TNC: variants seen among roughly 807,000 people sequenced by gnomAD.
The protein encoded by TNC is tenascin C.
A neutral mutation model predicts 202.4 loss-of-function variants in TNC; 109 were observed. The ratio of observed to expected loss-of-function variants is 0.54; its 90% CI spans 0.46 to 0.63. The LOEUF is 0.63. TNC is among the 30% of genes least tolerant of loss of function. The pLI is 0.00. For missense variants in TNC, 2,756 were observed against 2,833.3 expected (o/e 0.97, Z 0.62); for synonymous variants, 1,007 against 1,089.7 (o/e 0.92, Z 1.50).
In TNC at chr9:115,057,406, T is replaced by C. The variant is rs1351676687; in HGVS notation, c.4326A>G (p.Gly1442=). Residue 1442 remains glycine (G), a synonymous_variant, in exon 15 of 28, where the codon GGA becomes GGG. Coordinates refer to ENST00000350763, the MANE Select transcript of TNC (RefSeq NM_002160.4). ...GAGTTATGTCAGAAACATTTAAGTT[T>C]CCAATTTCAGGTTCTTTGGCTGTAA... is the stretch of plus-strand genomic sequence containing the variant. ...EASTAKEPEI[G]NLNVSDITPE... 1.2e-6 allele frequency: 2 copies of C among 1,609,764 alleles called. No homozygotes were observed. The highest frequency in any genetic ancestry group is 1.7e-6 in the Non-Finnish European group (2 of 1,179,062).
rs200913956 is a variant in TNC at position 115,086,891 on chromosome 9, G to C, written c.840C>G (p.Asn280Lys). 4 of 1,597,934 alleles carry C rather than the reference G, an allele frequency of 2.5e-6. No homozygotes were observed. The highest frequency in any genetic ancestry group is 2.7e-5 in the African/African-American group (2 of 74,476). Residue 280 changes from asparagine to lysine, a missense_variant, in exon 3 of 28, where the codon AAC becomes AAG. Transcript: ENST00000350763. The part of the protein sequence containing the change: ...CHDGFAGDDC[N>K]KPLCLNNCYN... Reference sequence around the variant, plus strand: ...AGCAATTGTTGAGACACAGAGGCTTGTTGCAGTCATCGCCTGCAAAGCCAT... The same window carrying C: ...AGCAATTGTTGAGACACAGAGGCTTCTTGCAGTCATCGCCTGCAAAGCCAT...
Position 115,081,761 on chromosome 9 carries a change from G to T in TNC, c.2404+11C>A, listed in dbSNP as rs756093360. ...CCTTATCATTCTATAAGTATTAAAG[G>T]TGATACTCACGTGTGGTGGTCACCC... On this transcript the variant is annotated intron_variant, in intron 6 of 27. Transcript: ENST00000350763. The T allele has an allele frequency of 1.7e-4, 271 of 1,613,686 alleles. 1 individual carries two copies. The East Asian group carries it at 5.9e-3, about 35-fold the overall frequency.
At chr9:115,047,757 C>T (rs2297181) in intron 16 of TNC, among the ~76,000 whole-genome samples, 16,583 of 152,052 alleles carry the variant, frequency 0.11, 955 homozygotes, top group Middle Eastern at 0.17. Flanking sequence ...GGATTTAGTC[C>T]GTGTTGCAGA....
In TNC at chr9:115,064,755, G is replaced by T. The variant is rs775276668; in HGVS notation, c.3379C>A (p.Arg1127=). The change falls in exon 11 of 28, where the codon CGG becomes AGG. Residue 1127 remains arginine, a synonymous_variant. Coordinates refer to ENST00000350763, the MANE Select transcript of TNC (RefSeq NM_002160.4). ...ARNLTVPGSL[R]AVDIPGLKAA... Reference sequence around the variant, plus strand: ...TTGAGGCCCGGTATGTCCACAGCCCGAAGGCTGCCAGGCACGGTGAGGTTC... The same window carrying T: ...TTGAGGCCCGGTATGTCCACAGCCCTAAGGCTGCCAGGCACGGTGAGGTTC... The T allele has an allele frequency of 3.1e-6, 5 of 1,614,126 alleles. No homozygotes were observed. The highest frequency in any genetic ancestry group is 4.2e-6 in the Non-Finnish European group (5 of 1,180,026).
chr9:115,104,712 C>G (rs1836484249), intron 1 of TNC, among the ~76,000 whole-genome samples: 1 of 152,078 alleles, frequency 6.6e-6, no homozygotes, highest in Non-Finnish European at 1.5e-5. Flanking sequence ...TCCTGTCTCC[C>G]TTTATGAGAG....
chr9:115,030,882 A>C (rs1474239452), intron 23 of TNC, among the ~76,000 whole-genome samples: 1 of 152,220 alleles, frequency 6.6e-6, no homozygotes, highest in African/African-American at 2.4e-5. Context: ...CAGGTTTGCT[A>C]TCTGCAGAAG....
At chr9:115,065,251 C>G (rs1832859594) in intron 10 of TNC, among the ~76,000 whole-genome samples, 1 of 152,090 alleles carries the variant, frequency 6.6e-6, no homozygotes, top group East Asian at 1.9e-4. Context: ...CAAAAATTAG[C>G]CAGGCGTGTT....
At position 115,063,325 on chromosome 9, in the gene TNC, G is replaced by A. The variant is rs72758647; in HGVS notation, c.3761-136C>T. 129,220 of 901,876 alleles carry A rather than the reference G, an allele frequency of 0.14. 10,846 individuals carry two copies. Among genetic ancestry groups the A allele is most frequent in the Non-Finnish European group, 0.17 (102,082 of 599,672 alleles). The allele number at this position is 901,876 out of a possible 1,614,324, so 55.9% of individuals were successfully genotyped here. A position where few individuals can be genotyped will look rare whatever the true frequency, so the allele number is the denominator to read the frequency against. On this transcript the variant is annotated intron_variant, in intron 12 of 27. Coordinates refer to ENST00000350763, the MANE Select transcript of TNC (RefSeq NM_002160.4). ...ATTATAGATGCATGATTTACAGCAGGTGTTGAGCACACTCAAACTGTTGGC... is the reference window on the plus strand; with the variant it reads ...ATTATAGATGCATGATTTACAGCAGATGTTGAGCACACTCAAACTGTTGGC...
In TNC at chr9:115,078,016, A is replaced by G; in HGVS notation, c.2601T>C (p.Thr867=). Residue 867 remains threonine, a synonymous_variant, in exon 7 of 28, where the codon ACT becomes ACC. Coordinates refer to ENST00000350763, the MANE Select transcript of TNC (RefSeq NM_002160.4). ...QYSIGNLKPD[T]EYEVSLISRR... ...GGGAGATGAGGGACACCTCGTACTC[A>G]GTGTCAGGCTTCAGGTTCCCGATGG... The G allele has an allele frequency of 6.2e-7, 1 of 1,614,228 alleles. No individual in the cohort carries two copies. Among genetic ancestry groups the G allele is most frequent in the Non-Finnish European group, 8.5e-7 (1 of 1,180,042 alleles).
chr9:115,077,400 C>A (rs982159736), intron 7 of TNC, among the ~76,000 whole-genome samples: 1 of 152,098 alleles, frequency 6.6e-6, no homozygotes, highest in Non-Finnish European at 1.5e-5. Flanking sequence ...GCCATGTTGG[C>A]CAGGATGGTC....
intron 19 of TNC, among the ~76,000 whole-genome samples, chr9:115,040,267 T>C (rs954698057): frequency 2.0e-5 from 3 of 152,242 alleles, no homozygotes; most frequent in African/African-American, 7.2e-5. Flanking sequence ...GTATTTCATT[T>C]GTCTCAGTTG....
chr9:115,102,238 C>T (rs1168604411), intron 1 of TNC, among the ~76,000 whole-genome samples: 1 of 152,076 alleles, frequency 6.6e-6, no homozygotes, highest in Non-Finnish European at 1.5e-5. Context: ...TGCTGGAGGG[C>T]CAAGCAAAGG....
At chr9:115,037,243 C>T (rs1019193839) in intron 20 of TNC, among the ~76,000 whole-genome samples, 2 of 152,170 alleles carry the variant, frequency 1.3e-5, no homozygotes. Context: ...GGTGCCTGCT[C>T]ATATTGTCAC....
chr9:115,097,717 G>A (rs1423257445), intron 1 of TNC, among the ~76,000 whole-genome samples: 1 of 152,218 alleles, frequency 6.6e-6, no homozygotes, highest in Non-Finnish European at 1.5e-5. Flanking sequence ...GAAGATAGCT[G>A]TAATAATAGT....
chr9:115,028,841 G>A (rs777447043), intron 25 of TNC, among the ~76,000 whole-genome samples: 3 of 133,196 alleles, frequency 2.3e-5, no homozygotes, highest in African/African-American at 8.4e-5. Flanking sequence ...TTTTTATCTT[G>A]CAACATGTGG....
chr9:115,050,350 C>T (rs1054845602), intron 15 of TNC, among the ~76,000 whole-genome samples: 1 of 152,212 alleles, frequency 6.6e-6, no homozygotes. Context: ...AAGACTGGGT[C>T]TCTCAGCTTC....
chr9:115,052,094 A>G (rs1831725324), intron 15 of TNC, among the ~76,000 whole-genome samples: 1 of 149,988 alleles, frequency 6.7e-6, no homozygotes, highest in South Asian at 2.1e-4. Flanking sequence ...ATATATATAT[A>G]CACATATATA....
In TNC at chr9:115,026,712, A is replaced by G. The variant is rs1829512610; in HGVS notation, c.6170-17T>C. ...TGTCCAGCCCTGTGGATGACAGGCAAGGGTTGCTAAGAAGCACAGGTGACT... is the reference window on the plus strand; with the variant it reads ...TGTCCAGCCCTGTGGATGACAGGCAGGGGTTGCTAAGAAGCACAGGTGACT... On this transcript the variant is annotated splice_polypyrimidine_tract_variant and intron_variant, in intron 25 of 27. Coordinates refer to ENST00000350763, the MANE Select transcript of TNC (RefSeq NM_002160.4). 1.2e-6 allele frequency: 2 copies of G among 1,612,638 alleles called. No homozygotes were observed. Among genetic ancestry groups the G allele is most frequent in the Non-Finnish European group, 1.7e-6 (2 of 1,179,406 alleles).
chr9:115,087,363 G>A (rs1834849904), intron 2 of TNC, 90 bp from the exon 3 acceptor site: 8 of 1,329,294 alleles, frequency 6.0e-6, no homozygotes, highest in Middle Eastern at 5.1e-4. Flanking sequence ...AAATTCAGCT[G>A]AAGGACGGTT....
Sources: allele counts gnomAD v4.1 joint callset (sites outside exome capture counted in the v4.1 genomes callset), GRCh38; gene constraint gnomAD v4.1.1; transcripts MANE v1.5; gene names NCBI Gene and HGNC (gene_info 2026-07-23, HGNC 2026-07-21).